The following CHST6 variants were observed in gnomAD, a reference collection of about 807,000 sequenced individuals.
CHST6 encodes carbohydrate sulfotransferase 6, also known as N-acetylglucosamine 6-O-sulfotransferase 5.
For missense variants in CHST6, 698 were observed against 586.2 expected (o/e 1.19, Z -1.97); for synonymous variants, 309 against 276.4 (o/e 1.12, Z -1.17).
At chr16:75,482,265 T>C (rs2080150177) in intron 1 of CHST6, among the ~76,000 whole-genome samples, 1 of 152,146 alleles carries the variant, frequency 6.6e-6, no homozygotes, top group South Asian at 2.1e-4. Context: ...GAATGTCACA[T>C]AGGTCGGGTA....
At chr16:75,480,445 A>G (rs1344832798) in intron 2 of CHST6, among the ~76,000 whole-genome samples, 1 of 152,194 alleles carries the variant, frequency 6.6e-6, no homozygotes, top group Non-Finnish European at 1.5e-5. Flanking sequence ...CACATAATAC[A>G]GGATTTAAGT....
rs1202829152 is a variant in CHST6, at chr16:75,491,182, A to T, written c.-92+3758T>A. Among the ~76,000 whole-genome samples the T allele has an allele frequency of 6.7e-3, 537 of 79,954 alleles. 5 individuals carry two copies. Among genetic ancestry groups the T allele is most frequent in the African/African-American group, 0.025 (492 of 19,874 alleles). 52.5% of individuals were successfully genotyped at this position (79,954 alleles called of 152,430 possible). A position where few individuals can be genotyped will look rare whatever the true frequency, so the allele number is the denominator to read the frequency against. ...CTCCGTCTTAAAAAAAAAAAAAAAA[A>T]AAAAAAAAATATATATATATATATA... is the stretch of plus-strand genomic sequence containing the variant. On this transcript the variant is annotated intron_variant, in intron 1 of 2. Transcript: ENST00000332272.
In CHST6 at chr16:75,481,521, G is replaced by A. The variant is rs186876397; in HGVS notation, c.-17+296C>T. ...TGAGACGTGAAAATCGCTTGAACCC[G>A]GGAGGCAGAGGTTGCAGTGAGCTGA... On this transcript the variant is annotated intron_variant, in intron 2 of 2. Coordinates refer to ENST00000332272, the MANE Select transcript of CHST6 (RefSeq NM_021615.5). Among the ~76,000 whole-genome samples, 1,101 of 148,930 alleles carry A rather than the reference G, an allele frequency of 7.4e-3. 15 individuals carry two copies. Among genetic ancestry groups the A allele is most frequent in the African/African-American group, 0.026 (1,036 of 40,374 alleles).
At chr16:75,489,468 G>C (rs1405708617) in intron 1 of CHST6, among the ~76,000 whole-genome samples, 1 of 151,442 alleles carries the variant, frequency 6.6e-6, no homozygotes, top group African/African-American at 2.4e-5. Context: ...TGGCTGCTGA[G>C]TCAGAGTTGG....
At chr16:75,491,437 T>A (rs1218128765) in intron 1 of CHST6, among the ~76,000 whole-genome samples, 1 of 151,852 alleles carries the variant, frequency 6.6e-6, no homozygotes, top group Non-Finnish European at 1.5e-5. Context: ...TGGCACGATC[T>A]CGGCTTACTG....
At chr16:75,486,213 C>T (rs940191102) in intron 1 of CHST6, among the ~76,000 whole-genome samples, 5 of 152,252 alleles carry the variant, frequency 3.3e-5, no homozygotes, top group African/African-American at 7.2e-5. Context: ...CTGCATTGTA[C>T]TTTGCTTTCC....
At chr16:75,481,568 C>A (rs1241326813) in intron 2 of CHST6, among the ~76,000 whole-genome samples, 3 of 152,160 alleles carry the variant, frequency 2.0e-5, no homozygotes, top group Non-Finnish European at 4.4e-5. Flanking sequence ...TGCACTCCAG[C>A]CTGGGCAATA....
chr16:75,492,021 C>T (rs958487019), intron 1 of CHST6, among the ~76,000 whole-genome samples: 21 of 152,256 alleles, frequency 1.4e-4, no homozygotes, highest in African/African-American at 5.1e-4. Flanking sequence ...TCTGCCAGTC[C>T]TGGTGATGCA....
chr16:75,479,488 C>T lies in CHST6; in HGVS notation c.341G>A (p.Arg114His), dbSNP rs1403332336. The T allele has an allele frequency of 6.2e-7, 1 of 1,612,924 alleles. No individual in the cohort carries two copies. The highest frequency in any genetic ancestry group is 1.7e-5 in the Admixed American group (1 of 60,010). Residue 114 changes from arginine (R) to histidine (H), a missense_variant, in exon 3 of 3, where the codon CGC (arginine) becomes CAC (histidine). Coordinates refer to ENST00000332272, the MANE Select transcript of CHST6 (RefSeq NM_021615.5). ...MDVFDAYLPW[R>H]RNLSDLFQWA... Reference sequence around the variant, plus strand: ...CTGGAAGAGGTCGGACAGGTTGCGGCGCCAAGGCAGATAGGCATCAAACAC... The same window carrying T: ...CTGGAAGAGGTCGGACAGGTTGCGGTGCCAAGGCAGATAGGCATCAAACAC...
At position 75,478,228 on chromosome 16, in the gene CHST6, T is replaced by C. The variant is rs554813486; in HGVS notation, c.*413A>G. ...TGTGCCTGTGTGCATATGTATGTGA[T>C]GTACAGACCTCTGGAGCCATTTCAC... On this transcript the variant is annotated 3_prime_UTR_variant, in exon 3 of 3. Transcript: ENST00000332272. The C allele has an allele frequency of 6.5e-6, 2 of 308,938 alleles. No homozygotes were observed. Among genetic ancestry groups the C allele is most frequent in the Non-Finnish European group, 1.3e-5 (2 of 159,450 alleles). 19.1% of individuals were successfully genotyped at this position (308,938 alleles called of 1,614,324 possible). A position where few individuals can be genotyped will look rare whatever the true frequency, so the allele number is the denominator to read the frequency against.
At position 75,492,358 on chromosome 16, in the gene CHST6, C is replaced by G. The variant is rs142609504; in HGVS notation, c.-92+2582G>C. Among the ~76,000 whole-genome samples the G allele has an allele frequency of 3.5e-3, 538 of 152,368 alleles. 1 individual carries two copies. Among genetic ancestry groups the G allele is most frequent in the African/African-American group, 0.012 (512 of 41,588 alleles). On this transcript the variant is annotated intron_variant, in intron 1 of 2. Coordinates refer to ENST00000332272, the MANE Select transcript of CHST6 (RefSeq NM_021615.5). ...GTTCCCCACTTCTTCTGTGCAGCAACACACACAGGGTACGGAGTGGGACTG... is the reference window on the plus strand; with the variant it reads ...GTTCCCCACTTCTTCTGTGCAGCAAGACACACAGGGTACGGAGTGGGACTG...
Position 75,472,287 on chromosome 16 carries a change from CTTTT to C in CHST6, c.*6350_*6353del, listed in dbSNP as rs879580794. On this transcript the variant is annotated 3_prime_UTR_variant, in exon 3 of 3. Transcript: ENST00000332272. The stretch of plus-strand genomic sequence containing the variant: ...TATCAATTATAGCTCAATGAAGCTT[CTTTT>C]TTTTTAAGAAGCCTGAGGGGAAAAT... 6.6e-6 allele frequency: 1 copy of C among 151,346 alleles called. No individual in the cohort carries two copies. Among genetic ancestry groups the C allele is most frequent in the Non-Finnish European group, 1.5e-5 (1 of 67,826 alleles). The allele number at this position is 151,346 out of a possible 1,614,324, so 9.4% of individuals were successfully genotyped here.
chr16:75,478,519 G>C lies in CHST6; in HGVS notation c.*122C>G, dbSNP rs1000321299. The C allele has an allele frequency of 2.1e-6, 2 of 952,512 alleles. No individual in the cohort carries two copies. The highest frequency in any genetic ancestry group is 3.4e-6 in the Non-Finnish European group (2 of 595,350). The allele number at this position is 952,512 out of a possible 1,614,324, so 59.0% of individuals were successfully genotyped here. A position where few individuals can be genotyped will look rare whatever the true frequency, so the allele number is the denominator to read the frequency against. ...TGCAGTCCTTGCCTACTTGGGGAGG[G>C]GGAGGGGTCGTACCACAAACTCCTT... On this transcript the variant is annotated 3_prime_UTR_variant, in exon 3 of 3. Transcript: ENST00000332272.
chr16:75,485,602 T>C (rs913415503), intron 1 of CHST6, among the ~76,000 whole-genome samples: 2 of 152,226 alleles, frequency 1.3e-5, no homozygotes, highest in Admixed American at 1.3e-4. Context: ...TTGGGGCTAA[T>C]TGCATTAGAT....
intron 1 of CHST6, among the ~76,000 whole-genome samples, chr16:75,487,666 G>T (rs1156621596): frequency 1.3e-5 from 2 of 151,968 alleles, no homozygotes; most frequent in Non-Finnish European, 2.9e-5. Context: ...GGGCGTGGTG[G>T]CGGGCACCTG....
In CHST6 at chr16:75,478,685, C is replaced by T. The variant is rs768271614; in HGVS notation, c.1144G>A (p.Gly382Ser). Residue 382 changes from glycine to serine, a missense_variant, in exon 3 of 3, where the codon GGC becomes AGC. Transcript: ENST00000332272. ...GCGGTGGATGATGCCCAAGTGAAGC[C>T]GTTCAGGCCTCGTGGCAGCACCAGA... ...LDLVLPRGLNGFTWASSTASH... is the reference protein window; with the variant it reads ...LDLVLPRGLNSFTWASSTASH... 6.8e-6 allele frequency: 11 copies of T among 1,613,620 alleles called. No homozygotes were observed. The South Asian group carries it at 9.9e-5, about 14-fold the overall frequency.
At position 75,479,792 on chromosome 16, in the gene CHST6, C is replaced by T. The variant is rs771760819; in HGVS notation, c.37G>A (p.Ala13Thr). ...LPRVSSTAVTALLLAQTFLLL... is the reference protein window; with the variant it reads ...LPRVSSTAVTTLLLAQTFLLL... ...AGGAAGGTCTGCGCCAGGAGGAGCG[C>T]GGTCACTGCTGTGCTGGAGACGCGC... Residue 13 changes from alanine (A) to threonine (T), a missense_variant, in exon 3 of 3, where the codon GCG becomes ACG. Ala to Thr is a moderately conservative substitution (Grantham distance 58). Transcript: ENST00000332272. The T allele has an allele frequency of 3.2e-6, 5 of 1,581,082 alleles. No individual in the cohort carries two copies. The highest frequency in any genetic ancestry group is 1.7e-4 in the Middle Eastern group (1 of 5,960).
chr16:75,488,255 G>C (rs1466779741), intron 1 of CHST6, among the ~76,000 whole-genome samples: 1 of 152,022 alleles, frequency 6.6e-6, no homozygotes, highest in African/African-American at 2.4e-5. Context: ...CCTGAGGTCA[G>C]GAGTTTGAGA....
At position 75,487,928 on chromosome 16, in the gene CHST6, A is replaced by C. The variant is rs370293610; in HGVS notation, c.-91-6037T>G. 3.7e-4 allele frequency among the ~76,000 whole-genome samples: 57 copies of C among 152,054 alleles called. 1 individual carries two copies. Among genetic ancestry groups the C allele is most frequent in the African/African-American group, 1.2e-3 (51 of 41,496 alleles). ...GGAGAATCGCTGGAACCCAGGAGGC[A>C]GAGGTTGCAGTGAGCTCAGATCATG... On this transcript the variant is annotated intron_variant, in intron 1 of 2. Transcript: ENST00000332272.
Sources: allele counts gnomAD v4.1 joint callset (sites outside exome capture counted in the v4.1 genomes callset), GRCh38; gene constraint gnomAD v4.1.1; transcripts MANE v1.5; gene names NCBI Gene and HGNC (gene_info 2026-07-23, HGNC 2026-07-21).